Variants in ATM observed in about 807,000 individuals in gnomAD.
The protein encoded by ATM is serine-protein kinase ATM.
Under a neutral mutation model 387.0 loss-of-function variants are expected in ATM, and 308 were observed. The ratio of observed to expected loss-of-function variants is 0.80; its 90% CI spans 0.73 to 0.87. ATM has a LOEUF of 0.87. ATM is among the 40% of genes least tolerant of loss of function. ATM has a pLI of 0.00. For missense variants in ATM, 3,312 were observed against 3,560.9 expected, an observed-to-expected ratio of 0.93 and a Z score of 1.78; for synonymous variants, 1,156 against 1,187.3, an observed-to-expected ratio of 0.97 and a Z score of 0.54.
intron 48 of ATM, among the ~76,000 whole-genome samples, chr11:108,328,111 C>T (rs1034922517): frequency 5.3e-5 from 8 of 152,186 alleles, no homozygotes; most frequent in African/African-American, 1.4e-4. Context: ...CCCAGCCACC[C>T]ACAAGTAAAG....
Position 108,317,516 on chromosome 11 carries a change from C to G in ATM, c.6342C>G (p.Ser2114=), listed in dbSNP as rs754020535. The change falls in exon 43 of 63, where the codon TCC becomes TCG. Residue 2114 remains serine, a synonymous_variant. Transcript: ENST00000675843. ...WRNMQWDHCT[S]VSKEVEGTSY... is the part of the protein sequence containing the mutation. ...ATATGCAGTGGGACCATTGCACTTC[C>G]GTCAGGTAAGAAATTTGACTTGATT... The G allele has an allele frequency of 6.2e-7, 1 of 1,604,262 alleles. No individual in the cohort carries two copies. Among genetic ancestry groups the G allele is most frequent in the Non-Finnish European group, 8.5e-7 (1 of 1,176,480 alleles).
chr11:108,328,904 T>C lies in ATM; in HGVS notation c.7090-117T>C, dbSNP rs1011622110. ...CAAGTTTGCAATAGTTCATATAATT[T>C]AGCTAGCTTTTATATGTATATAAGT... On this transcript the variant is annotated intron_variant, in intron 48 of 62. Coordinates refer to ENST00000675843, the MANE Select transcript of ATM (RefSeq NM_000051.4). 19 of 1,120,326 alleles carry C rather than the reference T, an allele frequency of 1.7e-5. No homozygotes were observed. The Admixed American group carries it at 2.4e-4, about 14-fold the overall frequency. 69.4% of individuals were successfully genotyped at this position (1,120,326 alleles called of 1,614,324 possible).
intron 38 of ATM, chr11:108,309,218 T>C: frequency 1.8e-6 from 1 of 542,298 alleles, no homozygotes; most frequent in Non-Finnish European, 3.3e-6. Flanking sequence ...AACAAAAAAA[T>C]TGCTTGCTGT....
intron 7 of ATM, among the ~76,000 whole-genome samples, chr11:108,246,217 A>G (rs901485685): frequency 4.6e-5 from 7 of 152,300 alleles, no homozygotes; most frequent in Middle Eastern, 3.4e-3. Flanking sequence ...TGAAACTACT[A>G]TAAGTGAAAG....
chr11:108,288,524 T>C (rs1242851737), intron 27 of ATM, among the ~76,000 whole-genome samples: 1 of 149,506 alleles, frequency 6.7e-6, no homozygotes, highest in Non-Finnish European at 1.5e-5. Context: ...TTTTTTAATG[T>C]GCCCTACTGT....
Position 108,366,916 on chromosome 11 carries a change from G to A in ATM, c.*1408G>A, listed in dbSNP as rs1327548371. On this transcript the variant is annotated 3_prime_UTR_variant, in exon 63 of 63. Coordinates refer to ENST00000675843, the MANE Select transcript of ATM (RefSeq NM_000051.4). ...TAGATGTCTAAGCTAAAAGCCGTGG[G>A]TTAATGAGACTGGCAAATTGTTCCA... The A allele has an allele frequency of 2.7e-5, 6 of 225,122 alleles. No individual in the cohort carries two copies. Among genetic ancestry groups the A allele is most frequent in the Non-Finnish European group, 4.4e-5 (5 of 112,976 alleles). 13.9% of individuals were successfully genotyped at this position (225,122 alleles called of 1,614,324 possible). A position where few individuals can be genotyped will look rare whatever the true frequency, so the allele number is the denominator to read the frequency against.
chr11:108,272,618 G>C lies in ATM; in HGVS notation c.3153+11G>C, dbSNP rs760086749. On this transcript the variant is annotated intron_variant, in intron 21 of 62. Coordinates refer to ENST00000675843, the MANE Select transcript of ATM (RefSeq NM_000051.4). ...AAAACTTTGCTTGAGGTGAGTTTTT[G>C]CATTTTTTTAGTAAGATCTCCATTG... The C allele has an allele frequency of 6.2e-7, 1 of 1,613,350 alleles. No individual in the cohort carries two copies. The highest frequency in any genetic ancestry group is 8.5e-7 in the Non-Finnish European group (1 of 1,179,438).
At chr11:108,267,084 C>T (rs897716819) in intron 16 of ATM, 87 bp from the exon 17 acceptor site, 2 of 1,366,426 alleles carry the variant, frequency 1.5e-6, no homozygotes, top group East Asian at 2.4e-5. Context: ...ATGTGAGCCA[C>T]TGTGCCCAGC....
At chr11:108,240,137 G>T (rs943235964) in intron 5 of ATM, among the ~76,000 whole-genome samples, 2 of 152,130 alleles carry the variant, frequency 1.3e-5, no homozygotes, top group African/African-American at 2.4e-5. Context: ...TTCACTTTTG[G>T]TGGTACATAT....
intron 16 of ATM, among the ~76,000 whole-genome samples, chr11:108,266,497 A>AG (rs1364623269): frequency 1.2e-5 from 1 of 83,032 alleles, no homozygotes; most frequent in Non-Finnish European, 2.2e-5. Flanking sequence ...GGGTGGGGGG[A>AG]GGGGGGAGGG....
chr11:108,295,041 A>G lies in ATM; in HGVS notation c.4891A>G (p.Ile1631Val). 6.2e-7 allele frequency: 1 copy of G among 1,613,960 alleles called. No homozygotes were observed. The highest frequency in any genetic ancestry group is 8.5e-7 in the Non-Finnish European group (1 of 1,179,868). Residue 1631 changes from isoleucine (I) to valine (V), a missense_variant, in exon 32 of 63, where the codon ATT becomes GTT. Ile to Val is a conservative substitution (Grantham distance 29, BLOSUM62 3). Around this residue, in one of 4 missense-constraint regions of ATM, gnomAD observed 1,405 missense variants for 1,604.4 expected, o/e 0.88. Transcript: ENST00000675843. ...LELHKDQMVD[I>V]MRASQDNPQD... ...ACTACATAAAGATCAGATGGTGGACATTATGAGAGCTTCTCAGGGTGCTAA... is the reference window on the plus strand; with the variant it reads ...ACTACATAAAGATCAGATGGTGGACGTTATGAGAGCTTCTCAGGGTGCTAA...
chr11:108,229,378 G>GGTT, intron 4 of ATM, 55 bp downstream of exon 4: 1 of 1,270,400 alleles, frequency 7.9e-7, no homozygotes, highest in Non-Finnish European at 1.1e-6. Flanking sequence ...TGTCGCGTGA[G>GGTT]TTTTTTTTTT....
At chr11:108,252,058 T>C (rs1209737562) in intron 11 of ATM, 27 bp downstream of exon 11, 1 of 1,594,902 alleles carries the variant, frequency 6.3e-7, no homozygotes, top group Non-Finnish European at 8.6e-7. Flanking sequence ...AGCATGCTGC[T>C]GTTTTTTTTG....
At chr11:108,307,603 C>T (rs1187739583) in intron 37 of ATM, among the ~76,000 whole-genome samples, 7 of 152,194 alleles carry the variant, frequency 4.6e-5, no homozygotes, top group African/African-American at 1.7e-4. Flanking sequence ...CATGATCTGT[C>T]TTGTTCATGC....
intron 26 of ATM, among the ~76,000 whole-genome samples, chr11:108,286,163 C>T (rs967832547): frequency 6.6e-6 from 1 of 151,580 alleles, no homozygotes; most frequent in African/African-American, 2.4e-5. Flanking sequence ...GAAACCCCAT[C>T]TCTACTGGGT....
chr11:108,263,396 A>G lies in ATM; in HGVS notation c.2467-3775A>G, dbSNP rs1200692449. Among the ~76,000 whole-genome samples, 21 of 144,996 alleles carry G rather than the reference A, an allele frequency of 1.4e-4. No individual in the cohort carries two copies. The South Asian group carries it at 4.4e-3, about 30-fold the overall frequency. On this transcript the variant is annotated intron_variant, in intron 16 of 62. Transcript: ENST00000675843. ...GCTCCTGAATGACTACTGGGTACAT[A>G]ACGAAATGAAGGCAGAAATAAAGAT...
rs876658363 is a variant in ATM at position 108,279,538 on chromosome 11, T to C, written c.3332T>C (p.Leu1111Pro). ...KGDSSRLLKA[L>P]PLKLQQTAFE... ...GATTCTTCCAGGTTACTGAAAGCAC[T>C]TCCTTTGAAGCTTCAGCAAACAGCT... is the stretch of plus-strand genomic sequence containing the variant. The change falls in exon 23 of 63, where the codon CTT (leucine) becomes CCT (proline). Residue 1111 changes from leucine (L) to proline (P), a missense_variant. By Grantham distance (98) the Leu-to-Pro change is moderately conservative. This residue lies in a region of ATM where 1,791 missense variants were observed against 1,804.5 expected (regional missense o/e 0.99). Coordinates refer to ENST00000675843, the MANE Select transcript of ATM (RefSeq NM_000051.4). 3.1e-6 allele frequency: 5 copies of C among 1,613,720 alleles called. No individual in the cohort carries two copies. Among genetic ancestry groups the C allele is most frequent in the Non-Finnish European group, 4.2e-6 (5 of 1,179,836 alleles).
At chr11:108,305,111 T>G (rs908191290) in intron 37 of ATM, among the ~76,000 whole-genome samples, 8 of 152,240 alleles carry the variant, frequency 5.3e-5, no homozygotes, top group African/African-American at 1.9e-4. Context: ...ATGGGTCAAC[T>G]AATTGAGCTT....
chr11:108,322,751 G>A (rs941360374), intron 45 of ATM, among the ~76,000 whole-genome samples: 1 of 152,044 alleles, frequency 6.6e-6, no homozygotes, highest in African/African-American at 2.4e-5. Context: ...GCTTAAAAGT[G>A]CTTTTCTCTT....
Sources: allele counts gnomAD v4.1 joint callset (sites outside exome capture counted in the v4.1 genomes callset), GRCh38; gene constraint gnomAD v4.1.1; regional missense constraint gnomAD v4.1.1; transcripts MANE v1.5; gene names NCBI Gene and HGNC (gene_info 2026-07-23, HGNC 2026-07-21).